The following NRK variants were observed in gnomAD, a reference collection of about 807,000 sequenced individuals.
NRK encodes nik-related protein kinase.
A neutral mutation model predicts 125.2 loss-of-function variants in NRK; 67 were observed. The observed-to-expected ratio is 0.54, with a 90% confidence interval of 0.44 to 0.66. The LOEUF is 0.66. NRK is among the 30% of genes least tolerant of loss of function. The pLI is 0.00. For missense variants in NRK, 1,224 were observed against 1,192.9 expected (o/e 1.03, Z -0.38); for synonymous variants, 458 against 429.0 (o/e 1.07, Z -0.84).
chrX:105,835,628 CTTT>C (rs111584644), intron 2 of NRK, among the ~76,000 whole-genome samples: 1 of 97,398 alleles, frequency 1.0e-5, no homozygotes. Context: ...AATTGGAGGA[CTTT>C]TTTTTTTTTT....
intron 2 of NRK, among the ~76,000 whole-genome samples, chrX:105,847,742 A>C (rs901479134): frequency 1.8e-5 from 2 of 111,994 alleles, no homozygotes; most frequent in Non-Finnish European, 3.8e-5. Flanking sequence ...TTATTTTCAC[A>C]AGTTTAGAGT....
intron 19 of NRK, among the ~76,000 whole-genome samples, chrX:105,931,913 T>C (rs1048270642): frequency 1.8e-5 from 2 of 111,901 alleles, no homozygotes; most frequent in Admixed American, 9.5e-5. Context: ...TTGGATTTAT[T>C]ACATTCAGAA....
chrX:105,925,883 A>G (rs1005240306), intron 19 of NRK, among the ~76,000 whole-genome samples: 4 of 111,056 alleles, frequency 3.6e-5, no homozygotes, highest in Non-Finnish European at 7.6e-5. Flanking sequence ...TATTTTGGCT[A>G]TTGTGATTAG....
Position 105,909,608 on chromosome X carries a change from C to T in NRK, c.1967C>T (p.Ser656Leu), listed in dbSNP as rs2040269108. ...DLLRAPNSNNSKPLGPLQTLM... is the reference protein window; with the variant it reads ...DLLRAPNSNNLKPLGPLQTLM... The stretch of plus-strand genomic sequence containing the variant: ...CTTCGGGCACCAAACTCAAATAACT[C>T]AAAGCCACTTGGTCCGTTGCAAACC... Residue 656 changes from serine to leucine, a missense_variant, in exon 13 of 29, where the codon TCA (serine) becomes TTA (leucine). By Grantham distance (145) the Ser-to-Leu change is moderately radical. Coordinates refer to ENST00000243300, the MANE Select transcript of NRK (RefSeq NM_198465.4). 2 of 1,202,443 alleles carry T rather than the reference C, an allele frequency of 1.7e-6. No individual in the cohort carries two copies. The highest frequency in any genetic ancestry group is 3.5e-5 in the African/African-American group (2 of 56,834).
chrX:105,903,602 G>T (rs1035318259), intron 9 of NRK, among the ~76,000 whole-genome samples: 1 of 111,843 alleles, frequency 8.9e-6, no homozygotes, highest in Non-Finnish European at 1.9e-5. Flanking sequence ...TGAGATATAG[G>T]TTGGAGGGGG....
At chrX:105,882,013 G>A (rs911925523) in intron 4 of NRK, among the ~76,000 whole-genome samples, 3 of 110,922 alleles carry the variant, frequency 2.7e-5, no homozygotes, top group Admixed American at 9.6e-5. Context: ...CCCTTGAATA[G>A]GAATGCATTG....
At chrX:105,856,954 G>T (rs538984566) in intron 2 of NRK, among the ~76,000 whole-genome samples, 4 of 110,956 alleles carry the variant, frequency 3.6e-5, no homozygotes, top group African/African-American at 1.3e-4. Flanking sequence ...TGACCTATGG[G>T]ATAGTTGTGA....
At chrX:105,915,507 A>G (rs892391269) in intron 14 of NRK, among the ~76,000 whole-genome samples, 3 of 111,443 alleles carry the variant, frequency 2.7e-5, no homozygotes, top group African/African-American at 9.7e-5. Context: ...TATGAGCTCC[A>G]GAATCTGTTC....
At chrX:105,865,757 T>C (rs921438818) in intron 2 of NRK, among the ~76,000 whole-genome samples, 3 of 111,555 alleles carry the variant, frequency 2.7e-5, no homozygotes, top group Non-Finnish European at 5.6e-5. Context: ...GATTTCTGTA[T>C]CTCTTAAAGA....
intron 13 of NRK, among the ~76,000 whole-genome samples, chrX:105,911,086 T>G (rs2040295042): frequency 9.0e-6 from 1 of 111,457 alleles, no homozygotes; most frequent in African/African-American, 3.3e-5. Context: ...GGTATATTTT[T>G]GTTTCTTCCC....
intron 2 of NRK, among the ~76,000 whole-genome samples, chrX:105,862,595 A>G (rs1484657992): frequency 8.9e-6 from 1 of 112,507 alleles, no homozygotes; most frequent in East Asian, 2.8e-4. Flanking sequence ...GATTATCCAG[A>G]GATTTCCTTC....
chrX:105,923,943 T>A (rs1462708416), intron 18 of NRK, among the ~76,000 whole-genome samples: 1 of 94,534 alleles, frequency 1.1e-5, no homozygotes, highest in Admixed American at 1.2e-4. Flanking sequence ...TTTAAGATGA[T>A]CTTTATCTGT....
chrX:105,822,170 C>T (rs949627848), upstream of NRK, among the ~76,000 whole-genome samples: 1 of 112,343 alleles, frequency 8.9e-6, no homozygotes, highest in African/African-American at 3.2e-5. Context: ...GTTGTTTGGA[C>T]TGTGGCAGGG....
At chrX:105,862,778 G>A (rs1730691789) in intron 2 of NRK, among the ~76,000 whole-genome samples, 1 of 112,036 alleles carries the variant, frequency 8.9e-6, no homozygotes, top group South Asian at 3.7e-4. Context: ...CTAAGGTGAC[G>A]GGGCTTGTGC....
chrX:105,834,435 G>A (rs1181854011), intron 2 of NRK, among the ~76,000 whole-genome samples: 2 of 109,267 alleles, frequency 1.8e-5, no homozygotes, highest in Non-Finnish European at 3.8e-5. Flanking sequence ...AATATGAAAT[G>A]TCTGGAGGTG....
At chrX:105,922,589 C>A (rs1003104437) in intron 17 of NRK, among the ~76,000 whole-genome samples, 2 of 111,529 alleles carry the variant, frequency 1.8e-5, no homozygotes, top group East Asian at 5.6e-4. Context: ...TCTATGCTAC[C>A]GTACACACAT....
chrX:105,937,242 C>T (rs1373851417), intron 21 of NRK, among the ~76,000 whole-genome samples, 197 bp from the exon 22 acceptor site: 1 of 110,022 alleles, frequency 9.1e-6, no homozygotes, highest in African/African-American at 3.3e-5. Context: ...GATAAGTCAT[C>T]TTTACATAGA....
chrX:105,920,418 C>T (rs1163264379), intron 16 of NRK, among the ~76,000 whole-genome samples: 3 of 103,971 alleles, frequency 2.9e-5, no homozygotes, highest in Non-Finnish European at 5.8e-5. Context: ...TAGTTTTTTC[C>T]AATTCTGTGA....
chrX:105,826,052 C>CTA (rs1294042662), intron 1 of NRK, among the ~76,000 whole-genome samples: 1 of 99,140 alleles, frequency 1.0e-5, no homozygotes, highest in Non-Finnish European at 2.0e-5. Flanking sequence ...CTCTCTCTCT[C>CTA]TCTCTATATA....
Sources: allele counts gnomAD v4.1 joint callset (sites outside exome capture counted in the v4.1 genomes callset), GRCh38; gene constraint gnomAD v4.1.1; transcripts MANE v1.5; gene names NCBI Gene and HGNC (gene_info 2026-07-23, HGNC 2026-07-21).